Variants in PAK1 observed in about 807,000 individuals in gnomAD.
The protein encoded by PAK1 is serine/threonine-protein kinase PAK 1.
A neutral mutation model predicts 67.4 loss-of-function variants in PAK1; 29 were observed. The observed-to-expected ratio is 0.43, with a 90% CI of 0.32 to 0.59. The LOEUF (loss-of-function observed/expected upper bound fraction) is 0.59. PAK1 is among the 20% of genes least tolerant of loss of function. PAK1 has a pLI of 0.07. For missense variants in PAK1, 337 were observed against 670.7 expected (o/e 0.50, Z 5.50); for synonymous variants, 223 against 237.4 (o/e 0.94, Z 0.56).
chr11:77,363,701 C>T (rs1019993690), intron 5 of PAK1, among the ~76,000 whole-genome samples: 1 of 152,110 alleles, frequency 6.6e-6, no homozygotes, highest in Non-Finnish European at 1.5e-5. Flanking sequence ...AGCAGACTGC[C>T]AGGTATGGCA....
At chr11:77,414,868 A>G (rs1490597209) in intron 1 of PAK1, among the ~76,000 whole-genome samples, 1 of 152,254 alleles carries the variant, frequency 6.6e-6, no homozygotes, top group Non-Finnish European at 1.5e-5. Flanking sequence ...CCCAAAAGCA[A>G]GATCCATGAA....
chr11:77,514,515 G>A, the PAK1 span, among the ~76,000 whole-genome samples: 2 of 152,110 alleles, frequency 1.3e-5, no homozygotes, highest in Non-Finnish European at 2.9e-5. Context: ...AATAAAGACA[G>A]TCACCTGTGC....
the PAK1 span, among the ~76,000 whole-genome samples, chr11:77,482,928 G>A: frequency 6.6e-6 from 1 of 152,082 alleles, no homozygotes; most frequent in Non-Finnish European, 1.5e-5. Context: ...TTGAATGATA[G>A]GTAATCACCT....
At chr11:77,482,757 T>C in the PAK1 span, among the ~76,000 whole-genome samples, 1 of 152,038 alleles carries the variant, frequency 6.6e-6, no homozygotes, top group African/African-American at 2.4e-5. Context: ...CTCGCCACCC[T>C]GCTCAGCTAA....
chr11:77,352,074 G>A (rs1351292857), intron 8 of PAK1, among the ~76,000 whole-genome samples: 2 of 151,824 alleles, frequency 1.3e-5, no homozygotes, highest in Non-Finnish European at 2.9e-5. Flanking sequence ...CATTAGTTTT[G>A]CTTGTTCTTG....
At chr11:77,446,511 C>CAAA (rs56952838) in intron 1 of PAK1, among the ~76,000 whole-genome samples, 50 of 60,518 alleles carry the variant, frequency 8.3e-4, no homozygotes, top group African/African-American at 1.4e-3. Context: ...GACCCTGTCT[C>CAAA]AAAAAAAAAA....
the PAK1 span, chr11:77,529,895 G>C: frequency 2.0e-5 from 3 of 152,446 alleles, no homozygotes; most frequent in East Asian, 1.9e-4. Flanking sequence ...CAGTGACAGG[G>C]ATAGGCCATG....
At chr11:77,484,951 A>G in the PAK1 span, among the ~76,000 whole-genome samples, 88 of 152,306 alleles carry the variant, frequency 5.8e-4, no homozygotes, top group Middle Eastern at 6.8e-3. Flanking sequence ...CTTGGATGGT[A>G]GCAGGCAAAA....
the PAK1 span, among the ~76,000 whole-genome samples, chr11:77,506,635 T>A: frequency 6.6e-6 from 1 of 151,458 alleles, no homozygotes. Context: ...GGAGGAGGGG[T>A]TGGTGACAAT....
chr11:77,382,643 C>T (rs970824652), intron 2 of PAK1, among the ~76,000 whole-genome samples: 2 of 152,142 alleles, frequency 1.3e-5, no homozygotes, highest in Non-Finnish European at 2.9e-5. Context: ...CAATTACAAT[C>T]CCTGTACTTC....
chr11:77,449,691 T>A (rs1169052193), intron 1 of PAK1, among the ~76,000 whole-genome samples: 39 of 113,912 alleles, frequency 3.4e-4, no homozygotes, highest in South Asian at 5.9e-4. Context: ...ATCCTATAGG[T>A]AAAAAAAAAA....
chr11:77,476,200 T>C (rs1958059992), upstream of PAK1: 1 of 152,324 alleles, frequency 6.6e-6, no homozygotes, highest in Non-Finnish European at 1.5e-5. Context: ...AATGTTCCTA[T>C]TGTTCTTTCT....
At chr11:77,332,522 C>T (rs181437521) in intron 14 of PAK1, among the ~76,000 whole-genome samples, 56 of 150,878 alleles carry the variant, frequency 3.7e-4, no homozygotes, top group African/African-American at 1.3e-3. Context: ...CCTAGGAGAA[C>T]GTGTAGAGTT....
At chr11:77,484,691 G>T in the PAK1 span, among the ~76,000 whole-genome samples, 1 of 152,184 alleles carries the variant, frequency 6.6e-6, no homozygotes, top group Admixed American at 6.5e-5. Flanking sequence ...AACTTTGTGG[G>T]TGTCAAGAGG....
chr11:77,472,843 T>G (rs1957930466), intron 1 of PAK1, among the ~76,000 whole-genome samples: 1 of 5,006 alleles, frequency 2.0e-4, no homozygotes, highest in South Asian at 0.011. Flanking sequence ...CCAAGGACGT[T>G]GCTCACAACG....
intron 2 of PAK1, among the ~76,000 whole-genome samples, chr11:77,390,566 A>AG (rs1951002272): frequency 6.6e-6 from 1 of 151,400 alleles, no homozygotes; most frequent in Non-Finnish European, 1.5e-5. Flanking sequence ...GCATGATCAC[A>AG]GCTCACTGCA....
At chr11:77,441,339 A>G (rs1956348181) in intron 1 of PAK1, among the ~76,000 whole-genome samples, 1 of 152,352 alleles carries the variant, frequency 6.6e-6, no homozygotes, top group Non-Finnish European at 1.5e-5. Context: ...TCCTTGCTCA[A>G]TGGCATCAGA....
chr11:77,453,288 AG>A (rs1956937678), intron 1 of PAK1, among the ~76,000 whole-genome samples: 1 of 152,156 alleles, frequency 6.6e-6, no homozygotes, highest in South Asian at 2.1e-4. Flanking sequence ...CAGGCAGCAG[AG>A]GTTTCAGTGA....
chr11:77,392,813 A>C (rs1050029076), intron 1 of PAK1, among the ~76,000 whole-genome samples: 3 of 152,234 alleles, frequency 2.0e-5, no homozygotes, highest in Non-Finnish European at 4.4e-5. Flanking sequence ...GATGTAGTTG[A>C]AAGCAGAAAT....
Sources: allele counts gnomAD v4.1 joint callset (sites outside exome capture counted in the v4.1 genomes callset), GRCh38; gene constraint gnomAD v4.1.1; transcripts MANE v1.5; gene names NCBI Gene and HGNC (gene_info 2026-07-23, HGNC 2026-07-21).